PEMT: variants seen among roughly 807,000 people sequenced by gnomAD.
PEMT encodes the protein phosphatidylethanolamine N-methyltransferase.
PEMT carries 23 observed loss-of-function variants against 27.4 expected under a neutral mutation model. The observed-to-expected ratio is 0.84, with a 90% CI of 0.60 to 1.19. The LOEUF (loss-of-function observed/expected upper bound fraction) is 1.19, where lower values mean the gene tolerates loss of function less well. Among genes scored for constraint, PEMT ranks in the 50% most tolerant of loss-of-function variants. PEMT has a pLI of 0.00. For synonymous variants in PEMT, 137 were observed against 139.1 expected, an observed-to-expected ratio of 0.98 and a Z score of 0.11; for missense variants, 307 against 310.1, an observed-to-expected ratio of 0.99 and a Z score of 0.07.
intron 1 of PEMT, among the ~76,000 whole-genome samples, chr17:17,584,919 G>A (rs370714126): frequency 7.5e-4 from 115 of 152,338 alleles, no homozygotes; most frequent in African/African-American, 2.6e-3. Context: ...AAATGAGAAA[G>A]TGCAAGGAAA....
At chr17:17,538,038 T>A (rs762248509) in intron 2 of PEMT, among the ~76,000 whole-genome samples, 7 of 152,178 alleles carry the variant, frequency 4.6e-5, no homozygotes, top group Admixed American at 2.0e-4. Context: ...CCGGGACCCA[T>A]GGCATGCCCG....
At chr17:17,559,411 C>G (rs902673697) in intron 2 of PEMT, among the ~76,000 whole-genome samples, 4 of 152,326 alleles carry the variant, frequency 2.6e-5, no homozygotes, top group Admixed American at 2.6e-4. Context: ...AGCCAGGCAG[C>G]CTGTTTAAAG....
At chr17:17,532,418 C>A (rs1371011825) in intron 2 of PEMT, among the ~76,000 whole-genome samples, 4 of 152,162 alleles carry the variant, frequency 2.6e-5, no homozygotes, top group African/African-American at 9.7e-5. Flanking sequence ...AAAAACAATT[C>A]CATTTACTAT....
intron 2 of PEMT, among the ~76,000 whole-genome samples, chr17:17,526,613 G>A (rs4244594): frequency 0.6 from 91,146 of 152,014 alleles, 27,693 homozygotes; most frequent in African/African-American, 0.69. Flanking sequence ...AGATGGGAAC[G>A]GCCTCTGCCC....
chr17:17,575,359 G>A (rs1049130882), intron 2 of PEMT, among the ~76,000 whole-genome samples: 1 of 152,320 alleles, frequency 6.6e-6, no homozygotes, highest in Middle Eastern at 3.4e-3. Flanking sequence ...ACTTCATCAC[G>A]TCTGCAAAGA....
chr17:17,520,455 A>G (rs957610878), intron 3 of PEMT, among the ~76,000 whole-genome samples: 4 of 152,052 alleles, frequency 2.6e-5, no homozygotes, highest in Non-Finnish European at 2.9e-5. Flanking sequence ...GAGCTGTAAA[A>G]CCTCGGGCAA....
At chr17:17,517,181 C>CTAAA in intron 3 of PEMT, among the ~76,000 whole-genome samples, 1 of 152,172 alleles carries the variant, frequency 6.6e-6, no homozygotes. Context: ...TGATTCCAGC[C>CTAAA]TGGGGAGTCC....
At chr17:17,550,364 T>C (rs1197026280) in intron 2 of PEMT, among the ~76,000 whole-genome samples, 3 of 152,182 alleles carry the variant, frequency 2.0e-5, no homozygotes, top group African/African-American at 4.8e-5. Context: ...CAAGAGTCCA[T>C]TTGAGCTTTG....
At chr17:17,556,752 A>G (rs568508475) in intron 2 of PEMT, among the ~76,000 whole-genome samples, 48 of 152,272 alleles carry the variant, frequency 3.2e-4, no homozygotes, top group African/African-American at 1.1e-3. Context: ...AGGCCACATG[A>G]GCCACTCCAA....
At chr17:17,551,603 C>T (rs111695548) in intron 2 of PEMT, among the ~76,000 whole-genome samples, 5 of 152,154 alleles carry the variant, frequency 3.3e-5, no homozygotes, top group Admixed American at 6.5e-5. Flanking sequence ...CAGGATGCCC[C>T]GAACAGCAGA....
At chr17:17,580,375 G>T in intron 1 of PEMT, among the ~76,000 whole-genome samples, 1 of 152,148 alleles carries the variant, frequency 6.6e-6, no homozygotes, top group East Asian at 1.9e-4. Context: ...TACTCGGGAG[G>T]CTGAGGCAGA....
chr17:17,529,029 C>G (rs1454849422), intron 2 of PEMT, among the ~76,000 whole-genome samples: 1 of 152,264 alleles, frequency 6.6e-6, no homozygotes, highest in African/African-American at 2.4e-5. Context: ...TCCCTTCTCA[C>G]CAGGGCTCAT....
At chr17:17,507,396 C>T in intron 5 of PEMT, 1 of 615,060 alleles carries the variant, frequency 1.6e-6, no homozygotes, top group East Asian at 2.7e-5. Context: ...GAGGTGAGGG[C>T]TGGAGGACAC....
chr17:17,525,168 C>G (rs1348878642), intron 2 of PEMT, among the ~76,000 whole-genome samples: 2 of 152,166 alleles, frequency 1.3e-5, no homozygotes, highest in Non-Finnish European at 2.9e-5. Flanking sequence ...CATCCTCAGC[C>G]TCCCATACAG....
intron 2 of PEMT, among the ~76,000 whole-genome samples, chr17:17,553,916 C>G (rs186101146): frequency 6.6e-6 from 1 of 152,244 alleles, no homozygotes; most frequent in Non-Finnish European, 1.5e-5. Context: ...CCTCCCTCCC[C>G]GCTGCCCGGC....
intron 3 of PEMT, 64 bp downstream of exon 3, chr17:17,522,216 C>G (rs1472771151): frequency 1.7e-6 from 2 of 1,195,110 alleles, no homozygotes; most frequent in Non-Finnish European, 1.2e-6. Context: ...GATGAGGTAC[C>G]ACCAGTAGCG....
At chr17:17,522,122 G>C (rs529839986) in intron 3 of PEMT, among the ~76,000 whole-genome samples, 158 bp downstream of exon 3, 2 of 152,290 alleles carry the variant, frequency 1.3e-5, no homozygotes, top group East Asian at 3.9e-4. Flanking sequence ...TAAACGGCTG[G>C]GAGGGGTAGG....
intron 2 of PEMT, among the ~76,000 whole-genome samples, chr17:17,533,674 A>G (rs1443760629): frequency 6.6e-6 from 1 of 152,052 alleles, no homozygotes; most frequent in Non-Finnish European, 1.5e-5. Flanking sequence ...TAGAATGCTC[A>G]CTCCTTGCTA....
At chr17:17,514,731 C>T (rs1906688417) in intron 3 of PEMT, among the ~76,000 whole-genome samples, 1 of 152,250 alleles carries the variant, frequency 6.6e-6, no homozygotes, top group Non-Finnish European at 1.5e-5. Context: ...GATCCAGGCA[C>T]ACCTTCTCCC....
Sources: gnomAD v4.1 joint callset for allele counts (sites outside exome capture counted in the v4.1 genomes callset) on GRCh38, gnomAD v4.1.1 for gene constraint, MANE v1.5 for transcripts, NCBI Gene and HGNC (gene_info 2026-07-23, HGNC 2026-07-21) for gene names.